The following KLHDC3 variants were observed in gnomAD, a reference collection of about 807,000 sequenced individuals.
KLHDC3 encodes the protein kelch domain containing 3.
Under a neutral mutation model 44.1 loss-of-function variants are expected in KLHDC3, and 5 were observed. The observed-to-expected ratio is 0.11, with a 90% CI of 0.06 to 0.24. KLHDC3 has a LOEUF of 0.24. Among genes scored for constraint, KLHDC3 ranks in the 10% least tolerant of loss-of-function variants. KLHDC3 has a pLI of 1.00. For synonymous variants in KLHDC3, 170 were observed against 189.0 expected (o/e 0.90, Z 0.82); for missense variants, 247 against 514.3 (o/e 0.48, Z 5.03).
Position 43,017,593 on chromosome 6 carries a change from C to T in KLHDC3, c.229C>T (p.Arg77Cys). The change falls in exon 3 of 11, where the codon CGC becomes TGC. Residue 77 changes from arginine to cysteine, a missense_variant. Coordinates refer to ENST00000326974, the MANE Select transcript of KLHDC3 (RefSeq NM_057161.4). The surrounding 1 kb of genome is among the most constrained non-coding windows in gnomAD (Gnocchi z 6.0). ...GCAAGCTCCTGTGGTACCCTACATGCGCTATGGACACTCAACCGTCCTCAT... is the reference window on the plus strand; with the variant it reads ...GCAAGCTCCTGTGGTACCCTACATGTGCTATGGACACTCAACCGTCCTCAT... ...RGQAPVVPYM[R>C]YGHSTVLIDD... The T allele has an allele frequency of 6.2e-7, 1 of 1,614,004 alleles. No individual in the cohort carries two copies.
In KLHDC3 at chr6:43,018,450, T is replaced by C. The variant is rs748420437; in HGVS notation, c.627T>C (p.Asn209=). The change falls in exon 6 of 11, where the codon AAT becomes AAC. Residue 209 remains asparagine, a synonymous_variant. Transcript: ENST00000326974. The surrounding 1 kb of genome is among the most constrained non-coding windows in gnomAD (Gnocchi z 6.0). ...ADRFGPFHSN[N]EIYCNRIRVF... Reference sequence around the variant, plus strand: ...GCTTTGGGCCATTCCATTCCAACAATGAGATTTACTGCAACCGCATTCGAG... The same window carrying C: ...GCTTTGGGCCATTCCATTCCAACAACGAGATTTACTGCAACCGCATTCGAG... 2 of 1,611,390 alleles carry C rather than the reference T, an allele frequency of 1.2e-6. No homozygotes were observed. Among genetic ancestry groups the C allele is most frequent in the Non-Finnish European group, 1.7e-6 (2 of 1,177,496 alleles).
At chr6:43,014,548 G>A (rs1479012539) in intron 1 of KLHDC3, 200 bp downstream of exon 1, 12 of 463,894 alleles carry the variant, frequency 2.6e-5, no homozygotes, top group Non-Finnish European at 5.2e-5. Context: ...GAGAGACCTG[G>A]TGTCTGGAGG....
intron 1 of KLHDC3, 67 bp downstream of exon 1, chr6:43,014,415 A>T (rs1276433660): frequency 1.7e-4 from 54 of 325,308 alleles, no homozygotes; most frequent in Non-Finnish European, 2.3e-4. Context: ...CTGGAGCTGG[A>T]GTGGCGGGGG....
At chr6:43,015,782 A>T (rs1247308838) in intron 1 of KLHDC3, among the ~76,000 whole-genome samples, 1 of 139,064 alleles carries the variant, frequency 7.2e-6, no homozygotes, top group Non-Finnish European at 1.5e-5. Context: ...CCCGGGAGGG[A>T]GGCAGAGTTT....
Position 43,018,034 on chromosome 6 carries a change from A to T in KLHDC3, c.447+66A>T, listed in dbSNP as rs1179673573. On this transcript the variant is annotated intron_variant, in intron 4 of 10. Transcript: ENST00000326974. The surrounding 1 kb of genome is among the most constrained non-coding windows in gnomAD (Gnocchi z 6.0). The stretch of plus-strand genomic sequence containing the variant: ...AGAAAGAGGGGAAGGGCAATTTAGG[A>T]TGGTGAAATGGGAGGCTTTGGCTTG... 2.8e-6 allele frequency: 4 copies of T among 1,454,542 alleles called. No individual in the cohort carries two copies. Among genetic ancestry groups the T allele is most frequent in the Non-Finnish European group, 1.9e-6 (2 of 1,034,818 alleles). The allele number at this position is 1,454,542 out of a possible 1,614,324, so 90.1% of individuals were successfully genotyped here. A position where few individuals can be genotyped will look rare whatever the true frequency, so the allele number is the denominator to read the frequency against.
chr6:43,014,959 C>A (rs1762525023), intron 1 of KLHDC3, among the ~76,000 whole-genome samples: 1 of 152,108 alleles, frequency 6.6e-6, no homozygotes, highest in South Asian at 2.1e-4. Flanking sequence ...TAAGAGGAGC[C>A]CCTGAGCGCC....
chr6:43,014,544 C>T, intron 1 of KLHDC3, 196 bp downstream of exon 1: 1 of 464,660 alleles, frequency 2.2e-6, no homozygotes, highest in South Asian at 1.5e-5. Flanking sequence ...GTAGGAGAGA[C>T]CTGGTGTCTG....
At chr6:43,014,706 T>C (rs1008177907) in intron 1 of KLHDC3, 1 of 441,076 alleles carries the variant, frequency 2.3e-6, no homozygotes, top group Admixed American at 2.4e-5. Flanking sequence ...CAGAGAGGGG[T>C]ATCGTGGTCA....
rs1762594373 is a variant in KLHDC3 at position 43,017,003 on chromosome 6, G to A, written c.-59-131G>A. ...GCCAGCCACCTGAGCTGAGACTAGT[G>A]CCCCTGTGGAGGGGTAGTGTGGGAG... On this transcript the variant is annotated intron_variant, in intron 1 of 10. Transcript: ENST00000326974. This position sits in a 1 kb window ranked among gnomAD's most constrained non-coding sequence, Gnocchi z 6.0. 3 of 665,052 alleles carry A rather than the reference G, an allele frequency of 4.5e-6. No individual in the cohort carries two copies. In the South Asian group the frequency reaches 5.4e-5, roughly 12 times the overall value. The allele number at this position is 665,052 out of a possible 1,614,324, so 41.2% of individuals were successfully genotyped here. A position where few individuals can be genotyped will look rare whatever the true frequency, so the allele number is the denominator to read the frequency against.
intron 1 of KLHDC3, chr6:43,016,923 T>G: frequency 2.0e-6 from 1 of 493,938 alleles, no homozygotes. Context: ...CCTTCACTGT[T>G]GGAGAACACT....
rs2150291086 is a variant in KLHDC3, at chr6:43,017,019, A to T, written c.-59-115A>T. On this transcript the variant is annotated intron_variant, in intron 1 of 10. Coordinates refer to ENST00000326974, the MANE Select transcript of KLHDC3 (RefSeq NM_057161.4). This position sits in a 1 kb window ranked among gnomAD's most constrained non-coding sequence, Gnocchi z 6.0. ...GAGACTAGTGCCCCTGTGGAGGGGT[A>T]GTGTGGGAGGGCCCCCAGGGTGACA... The T allele has an allele frequency of 1.4e-6, 1 of 706,926 alleles. No individual in the cohort carries two copies. The highest frequency in any genetic ancestry group is 2.5e-5 in the East Asian group (1 of 39,388). 43.8% of individuals were successfully genotyped at this position (706,926 alleles called of 1,614,324 possible). A position where few individuals can be genotyped will look rare whatever the true frequency, so the allele number is the denominator to read the frequency against.
Position 43,020,923 on chromosome 6 carries a change from C to A in KLHDC3, c.*190C>A, listed in dbSNP as rs930181520. ...CGGGGTGGGGGCTAGGTTCCTCCCC[C>A]CTTGGGCCGAGGGCCCCTTCCCCTT... On this transcript the variant is annotated 3_prime_UTR_variant, in exon 11 of 11. Transcript: ENST00000326974. 19 of 666,660 alleles carry A rather than the reference C, an allele frequency of 2.9e-5. No homozygotes were observed. Among genetic ancestry groups the A allele is most frequent in the Non-Finnish European group, 1.6e-5 (6 of 364,720 alleles). 41.3% of individuals were successfully genotyped at this position (666,660 alleles called of 1,614,324 possible).
Position 43,018,824 on chromosome 6 carries a change from C to T in KLHDC3, c.821-39C>T. Reference sequence around the variant, plus strand: ...GATGGGGGTGGGGAAGATACCTGGACTAGGCAGGTATTGAACTTCCATATA... The same window carrying T: ...GATGGGGGTGGGGAAGATACCTGGATTAGGCAGGTATTGAACTTCCATATA... On this transcript the variant is annotated intron_variant, in intron 7 of 10. Transcript: ENST00000326974. The surrounding 1 kb of genome is among the most constrained non-coding windows in gnomAD (Gnocchi z 6.0). 6.5e-7 allele frequency: 1 copy of T among 1,533,400 alleles called. No homozygotes were observed. The highest frequency in any genetic ancestry group is 1.1e-5 in the South Asian group (1 of 89,204). 95.0% of individuals were successfully genotyped at this position (1,533,400 alleles called of 1,614,324 possible).
At position 43,019,261 on chromosome 6, in the gene KLHDC3, C is replaced by T. The variant is rs761052922; in HGVS notation, c.1004-27C>T. 1.9e-5 allele frequency: 31 copies of T among 1,593,536 alleles called. No homozygotes were observed. In the East Asian group the frequency reaches 6.7e-4, roughly 34 times the overall value. ...GGATCCTTTCCTCACCTTTGACCAT[C>T]TCCTTTCCACAACTTCTCCCTTAAA... is the stretch of plus-strand genomic sequence containing the variant. On this transcript the variant is annotated intron_variant, in intron 9 of 10. Coordinates refer to ENST00000326974, the MANE Select transcript of KLHDC3 (RefSeq NM_057161.4).
chr6:43,019,422 T>A (rs1016788735), intron 10 of KLHDC3, 56 bp downstream of exon 10: 15 of 1,206,506 alleles, frequency 1.2e-5, no homozygotes, highest in Non-Finnish European at 1.7e-5. Flanking sequence ...GCAGCACAGG[T>A]GTGACCTGAT....
Position 43,018,212 on chromosome 6 carries a change from C to A in KLHDC3, c.515C>A (p.Thr172Lys). The change falls in exon 5 of 11, where the codon ACA becomes AAA. Residue 172 changes from threonine (T) to lysine (K), a missense_variant. By Grantham distance (78) the Thr-to-Lys change is moderately conservative. This residue lies in a region of KLHDC3 where 176 missense variants were observed against 413.5 expected (regional missense o/e 0.43). Coordinates refer to ENST00000326974, the MANE Select transcript of KLHDC3 (RefSeq NM_057161.4). This position sits in a 1 kb window ranked among gnomAD's most constrained non-coding sequence, Gnocchi z 6.0. ...ACCATGACATGGACTCTTATCTGTA[C>A]AAAGGTCTGCTCTTTCTTTTTTTTC... ...TSTMTWTLIC[T>K]KGSPARWRDF... is the part of the protein sequence containing the mutation. 6.2e-7 allele frequency: 1 copy of A among 1,606,974 alleles called. No individual in the cohort carries two copies. The highest frequency in any genetic ancestry group is 8.5e-7 in the Non-Finnish European group (1 of 1,173,642).
rs758411308 is a variant in KLHDC3, at chr6:43,019,307, G to C, written c.1023G>C (p.Leu341=). ...ILDFSPSLKT[L]CKLAVIQYNL... is the part of the protein sequence containing the mutation. The stretch of plus-strand genomic sequence containing the variant: ...TTAAAGGCCCTAGTCTGAAGACTCT[G>C]TGCAAACTGGCCGTGATTCAGTATA... Residue 341 remains leucine (L), a synonymous_variant, in exon 10 of 11, where the codon CTG becomes CTC. Coordinates refer to ENST00000326974, the MANE Select transcript of KLHDC3 (RefSeq NM_057161.4). 6.2e-7 allele frequency: 1 copy of C among 1,613,760 alleles called. No homozygotes were observed. Among genetic ancestry groups the C allele is most frequent in the Non-Finnish European group, 8.5e-7 (1 of 1,179,708 alleles).
chr6:43,015,873 AG>A (rs1403477610), intron 1 of KLHDC3, among the ~76,000 whole-genome samples: 2 of 150,014 alleles, frequency 1.3e-5, no homozygotes, highest in African/African-American at 4.9e-5. Flanking sequence ...AAAAAAAAAA[AG>A]ACCATGACTT....
At chr6:43,015,463 C>T (rs1411527006) in intron 1 of KLHDC3, among the ~76,000 whole-genome samples, 3 of 152,178 alleles carry the variant, frequency 2.0e-5, no homozygotes, top group African/African-American at 4.8e-5. Flanking sequence ...GAGATGCTTG[C>T]CAGCAAAAGC....
Sources: gnomAD v4.1 joint callset for allele counts (sites outside exome capture counted in the v4.1 genomes callset) on GRCh38, gnomAD v4.1.1 for gene constraint, gnomAD v4.1.1 regional missense constraint, Gnocchi (gnomAD v3.1) non-coding constraint, MANE v1.5 for transcripts, NCBI Gene and HGNC (gene_info 2026-07-23, HGNC 2026-07-21) for gene names.